KIZ: variants seen among roughly 807,000 people sequenced by gnomAD.
KIZ encodes the protein centrosomal protein kizuna.
Under a neutral mutation model 79.6 loss-of-function variants are expected in KIZ, and 68 were observed. That is an observed-to-expected ratio of 0.85 (90% CI 0.70 to 1.05). KIZ has a LOEUF of 1.05. Ranked by LOEUF, KIZ falls within the 50% of genes least tolerant of loss-of-function variation. The pLI, the probability that KIZ is intolerant of heterozygous loss-of-function variation, is 0.00. For missense variants in KIZ, 797 were observed against 800.4 expected, an observed-to-expected ratio of 1.00 and a Z score of 0.05; for synonymous variants, 280 against 281.8, an observed-to-expected ratio of 0.99 and a Z score of 0.06.
rs1212019973 is a variant in KIZ at position 21,162,064 on chromosome 20, G to A, written c.599G>A (p.Ser200Asn). ...DPHSHRQTAQ[S>N]SNVTDSCVVQ... The stretch of plus-strand genomic sequence containing the variant: ...CATTCACACCGACAGACAGCCCAGA[G>A]CAGTAATGTGACAGACAGCTGTGTA... Residue 200 changes from serine to asparagine, a missense_variant, in exon 5 of 13, where the codon AGC becomes AAC. Coordinates refer to ENST00000619189, the MANE Select transcript of KIZ (RefSeq NM_018474.6). 1 of 1,613,750 alleles carries A rather than the reference G, an allele frequency of 6.2e-7. No individual in the cohort carries two copies. Among genetic ancestry groups the A allele is most frequent in the East Asian group, 2.2e-5 (1 of 44,882 alleles).
At chr20:21,207,265 C>G (rs1196008279) in intron 7 of KIZ, among the ~76,000 whole-genome samples, 1 of 152,168 alleles carries the variant, frequency 6.6e-6, no homozygotes. Context: ...TAGTCCTCCT[C>G]AGACCCCTCT....
At chr20:21,145,812 A>T (rs899859482) in intron 4 of KIZ, among the ~76,000 whole-genome samples, 158 bp downstream of exon 4, 23 of 152,310 alleles carry the variant, frequency 1.5e-4, no homozygotes, top group Middle Eastern at 3.4e-3. Context: ...ATATTGCTTT[A>T]ATGTCTAATT....
intron 6 of KIZ, among the ~76,000 whole-genome samples, chr20:21,185,978 T>C (rs975054901): frequency 3.3e-5 from 5 of 152,124 alleles, no homozygotes; most frequent in African/African-American, 7.2e-5. Flanking sequence ...CTATATAGTT[T>C]GCCTACTAGA....
At chr20:21,217,748 C>T (rs2036352435) in intron 9 of KIZ, among the ~76,000 whole-genome samples, 1 of 152,144 alleles carries the variant, frequency 6.6e-6, no homozygotes, top group African/African-American at 2.4e-5. Flanking sequence ...ATACTAGACA[C>T]TCAATTTTAT....
intron 1 of KIZ, among the ~76,000 whole-genome samples, chr20:21,130,272 G>A (rs1275789089): frequency 6.6e-6 from 1 of 152,200 alleles, no homozygotes; most frequent in East Asian, 1.9e-4. Context: ...TGACCCTCAA[G>A]CTGAGTCTAT....
At chr20:21,139,236 T>TA (rs1028753546) in intron 3 of KIZ, among the ~76,000 whole-genome samples, 29 of 152,316 alleles carry the variant, frequency 1.9e-4, no homozygotes, top group African/African-American at 7.0e-4. Context: ...ATAACCCCGT[T>TA]AATTCTGAGC....
intron 9 of KIZ, among the ~76,000 whole-genome samples, chr20:21,220,304 A>G (rs1049105477): frequency 6.6e-6 from 1 of 151,894 alleles, no homozygotes; most frequent in Non-Finnish European, 1.5e-5. Flanking sequence ...CAACAGTCCT[A>G]TAGGGTAAAC....
At chr20:21,196,145 T>G (rs1191584895) in intron 6 of KIZ, 2 of 152,212 alleles carry the variant, frequency 1.3e-5, no homozygotes, top group Non-Finnish European at 2.9e-5. Context: ...ATTGCTGTAT[T>G]CTTTCCAGAG....
At chr20:21,223,310 A>G (rs938506822) in intron 9 of KIZ, among the ~76,000 whole-genome samples, 2 of 152,168 alleles carry the variant, frequency 1.3e-5, no homozygotes, top group African/African-American at 2.4e-5. Flanking sequence ...CAAGCCTGGA[A>G]TTTGTTTTCA....
At chr20:21,141,470 T>C (rs2032524001) in intron 3 of KIZ, among the ~76,000 whole-genome samples, 1 of 151,516 alleles carries the variant, frequency 6.6e-6, no homozygotes, top group African/African-American at 2.4e-5. Context: ...GGTAGGGAAT[T>C]AACCAAACAC....
chr20:21,169,881 A>G (rs372104486), intron 6 of KIZ, among the ~76,000 whole-genome samples: 2 of 152,156 alleles, frequency 1.3e-5, no homozygotes, highest in Admixed American at 6.6e-5. Flanking sequence ...AGGTTATTCC[A>G]TGTCTTTTTA....
At chr20:21,213,490 C>G (rs1249412435) in intron 7 of KIZ, 2 of 152,226 alleles carry the variant, frequency 1.3e-5, no homozygotes, top group Admixed American at 6.5e-5. Context: ...CATTTTCCCA[C>G]AATTGGGTTG....
chr20:21,233,073 C>A (rs1049272206), intron 11 of KIZ, among the ~76,000 whole-genome samples: 7 of 152,192 alleles, frequency 4.6e-5, no homozygotes, highest in African/African-American at 1.7e-4. Flanking sequence ...CCTCAGTGAA[C>A]CACAAATTAG....
chr20:21,178,167 T>C (rs139770426), intron 6 of KIZ, among the ~76,000 whole-genome samples: 2 of 152,208 alleles, frequency 1.3e-5, no homozygotes, highest in East Asian at 3.9e-4. Flanking sequence ...ATTGCTTTGG[T>C]AGTATGGACA....
chr20:21,210,302 C>T (rs571126667), intron 7 of KIZ, among the ~76,000 whole-genome samples: 6 of 152,064 alleles, frequency 3.9e-5, no homozygotes, highest in Admixed American at 3.9e-4. Flanking sequence ...AGCGAGACTC[C>T]GTCTTTAATA....
intron 6 of KIZ, among the ~76,000 whole-genome samples, chr20:21,193,748 C>T (rs1166390512): frequency 3.3e-5 from 5 of 150,276 alleles, no homozygotes; most frequent in African/African-American, 9.8e-5. Context: ...AGCAAACTAT[C>T]GCAAGGACAA....
chr20:21,156,167 C>T (rs1393884358), intron 4 of KIZ, among the ~76,000 whole-genome samples: 1 of 152,120 alleles, frequency 6.6e-6, no homozygotes, highest in Non-Finnish European at 1.5e-5. Flanking sequence ...ACCTAGTTTC[C>T]ACCATTGTTA....
intron 7 of KIZ, among the ~76,000 whole-genome samples, chr20:21,210,258 C>T (rs546583274): frequency 3.3e-5 from 5 of 152,020 alleles, no homozygotes; most frequent in South Asian, 4.2e-4. Context: ...CAGTGAGCTT[C>T]GATCGCGCCA....
intron 6 of KIZ, chr20:21,202,317 C>G (rs780773857): frequency 1.3e-5 from 2 of 152,212 alleles, no homozygotes; most frequent in Non-Finnish European, 2.9e-5. Context: ...AATGTACCTG[C>G]TGAATGGGCT....
Sources: allele counts gnomAD v4.1 joint callset (sites outside exome capture counted in the v4.1 genomes callset), GRCh38; gene constraint gnomAD v4.1.1; transcripts MANE v1.5; gene names NCBI Gene and HGNC (gene_info 2026-07-23, HGNC 2026-07-21).